Variants in DLC1 observed in about 807,000 individuals in gnomAD.
DLC1 encodes rho GTPase-activating protein 7.
In DLC1, 54 loss-of-function variants were observed where a neutral mutation model predicts 140.3. The observed-to-expected ratio is 0.38, with a 90% CI of 0.31 to 0.48. The LOEUF (loss-of-function observed/expected upper bound fraction) is 0.48, where lower values mean the gene tolerates loss of function less well. DLC1 is among the 20% of genes least tolerant of loss of function. The pLI is 0.96. For synonymous variants in DLC1, 986 were observed against 728.1 expected (o/e 1.35, Z -5.70); for missense variants, 2,536 against 1,907.0 (o/e 1.33, Z -6.14).
At chr8:13,464,745 ATTATATATATATATATATAT>A (rs1354024438) in intron 2 of DLC1, among the ~76,000 whole-genome samples, 10,212 of 108,318 alleles carry the variant, frequency 0.094, 543 homozygotes, top group East Asian at 0.18. Flanking sequence ...AGAATTTTAA[ATTATATATATATATATATAT>A]TTATATATAT....
chr8:13,552,871 T>C (rs926016570), intron 1 of DLC1, among the ~76,000 whole-genome samples: 3 of 151,878 alleles, frequency 2.0e-5, no homozygotes, highest in Non-Finnish European at 4.4e-5. Context: ...ATAAACTAAA[T>C]CTTTTCTAGA....
At position 13,344,029 on chromosome 8, in the gene DLC1, G is replaced by A. The variant is rs1403654798; in HGVS notation, c.1315-38727C>T. 2.0e-5 allele frequency among the ~76,000 whole-genome samples: 3 copies of A among 151,462 alleles called. No homozygotes were observed. The East Asian group carries it at 5.8e-4, about 29-fold the overall frequency. ...CTGGCAAAGATTTCTCAGAATCTTG[G>A]GATTTCTTCTGACTTGATATTCTCT... On this transcript the variant is annotated intron_variant, in intron 4 of 17. Coordinates refer to ENST00000276297, the MANE Select transcript of DLC1 (RefSeq NM_182643.3).
chr8:13,439,450 T>C (rs1839262088), intron 2 of DLC1, among the ~76,000 whole-genome samples: 1 of 152,198 alleles, frequency 6.6e-6, no homozygotes, highest in Admixed American at 6.5e-5. Flanking sequence ...CATTTTCTTT[T>C]ATTCATACAA....
chr8:13,133,244 C>A, intron 5 of DLC1: 4 of 1,382,668 alleles, frequency 2.9e-6, no homozygotes, highest in Non-Finnish European at 3.7e-6. Flanking sequence ...GCGGCCATGT[C>A]CTGGCTGGGA....
At chr8:13,161,337 G>T (rs543972262) in intron 5 of DLC1, among the ~76,000 whole-genome samples, 4 of 150,784 alleles carry the variant, frequency 2.7e-5, no homozygotes, top group East Asian at 2.0e-4. Context: ...GGTTTTTTTT[G>T]TTTTGTTTTG....
intron 5 of DLC1, among the ~76,000 whole-genome samples, chr8:13,189,314 C>G (rs1240554952): frequency 6.6e-6 from 1 of 152,092 alleles, no homozygotes; most frequent in Non-Finnish European, 1.5e-5. Flanking sequence ...GGAACTCCAG[C>G]CAAGAAATAA....
rs544028228 is a variant in DLC1, at chr8:13,475,479, C to T, written c.1023+23570G>A. ...TTTCCTGTTATTCTTAGCGTGTGCC[C>T]AGAAGCCATGGAGATTTTTGGACTT... is the stretch of plus-strand genomic sequence containing the variant. On this transcript the variant is annotated intron_variant, in intron 2 of 17. Transcript: ENST00000276297. Among the ~76,000 whole-genome samples, 5 of 152,176 alleles carry T rather than the reference C, an allele frequency of 3.3e-5. No homozygotes were observed. The East Asian group carries it at 7.7e-4, about 24-fold the overall frequency.
rs138327093 is a variant in DLC1 at position 13,505,135 on chromosome 8, AT to A, written c.-125-4940del. ...GAAAAATAGTTTTACAAGAAGGAAA[AT>A]ATAATTATAGTATACTCCATAAGCT... is the stretch of plus-strand genomic sequence containing the variant. On this transcript the variant is annotated intron_variant, in intron 1 of 17. Transcript: ENST00000276297. 3.4e-3 allele frequency among the ~76,000 whole-genome samples: 517 copies of A among 152,330 alleles called. 3 individuals carry two copies. The highest frequency in any genetic ancestry group is 0.012 in the African/African-American group (504 of 41,576).
At chr8:13,334,099 G>A (rs11991646) in intron 4 of DLC1, among the ~76,000 whole-genome samples, 1,590 of 152,206 alleles carry the variant, frequency 0.01, 28 homozygotes, top group African/African-American at 0.036. Flanking sequence ...TGCTTGGAGA[G>A]GGGGTGAGAA....
chr8:13,185,014 A>T (rs1262758751), intron 5 of DLC1, among the ~76,000 whole-genome samples: 1 of 151,552 alleles, frequency 6.6e-6, no homozygotes, highest in Non-Finnish European at 1.5e-5. Context: ...TAGGATAGTT[A>T]GCTCTTCTTG....
At position 13,413,256 on chromosome 8, in the gene DLC1, A is replaced by ATTTTTTTTTTTTTTTTTTTTT. The variant is rs58038503; in HGVS notation, c.1024-11658_1024-11638dup. 5.0e-4 allele frequency among the ~76,000 whole-genome samples: 41 copies of ATTTTTTTTTTTTTTTTTTTTT among 82,006 alleles called. 9 individuals carry two copies. The highest frequency in any genetic ancestry group is 9.8e-4 in the Admixed American group (7 of 7,142). 53.8% of individuals were successfully genotyped at this position (82,006 alleles called of 152,430 possible). On this transcript the variant is annotated intron_variant, in intron 2 of 17. Transcript: ENST00000276297. ...TAAAACATTATGAGATTTTTTTGCG[A>ATTTTTTTTTTTTTTTTTTTTT]TTTTTTTTTTTTTTTTTTTTTAGCT...
intron 5 of DLC1, among the ~76,000 whole-genome samples, chr8:13,145,101 G>A (rs1252513529): frequency 6.6e-6 from 1 of 152,002 alleles, no homozygotes; most frequent in African/African-American, 2.4e-5. Context: ...CATGAACTGA[G>A]GAGAAATCAT....
intron 5 of DLC1, among the ~76,000 whole-genome samples, chr8:13,280,053 A>G (rs1172315264): frequency 6.6e-6 from 1 of 151,444 alleles, no homozygotes; most frequent in Non-Finnish European, 1.5e-5. Flanking sequence ...GCCGAGGTGC[A>G]TGGATCATGA....
intron 1 of DLC1, among the ~76,000 whole-genome samples, chr8:13,537,639 C>A (rs918184156): frequency 1.7e-4 from 24 of 141,912 alleles, no homozygotes; most frequent in African/African-American, 5.2e-5. Context: ...ATAGTAACAA[C>A]AGCTAACTCT....
At chr8:13,552,241 A>T (rs1488335284) in intron 1 of DLC1, among the ~76,000 whole-genome samples, 2 of 146,364 alleles carry the variant, frequency 1.4e-5, no homozygotes, top group Admixed American at 1.4e-4. Context: ...ATATATATAT[A>T]CCCCCATACC....
chr8:13,304,291 A>T (rs1437363080), intron 5 of DLC1, among the ~76,000 whole-genome samples: 12 of 152,200 alleles, frequency 7.9e-5, no homozygotes, highest in Admixed American at 7.9e-4. Flanking sequence ...GAGCTGACAT[A>T]TGATGCCAGT....
intron 2 of DLC1, among the ~76,000 whole-genome samples, chr8:13,409,500 G>A (rs1837697514): frequency 6.6e-6 from 1 of 152,100 alleles, no homozygotes; most frequent in Non-Finnish European, 1.5e-5. Flanking sequence ...AGTGGAAGTA[G>A]TTCCAAATAT....
intron 2 of DLC1, among the ~76,000 whole-genome samples, chr8:13,443,310 A>G (rs1467959425): frequency 6.7e-6 from 1 of 150,338 alleles, no homozygotes; most frequent in African/African-American, 2.5e-5. Context: ...ATATGTAACT[A>G]ACCTGCACTT....
chr8:13,307,128 T>G (rs1832474263), intron 4 of DLC1, among the ~76,000 whole-genome samples: 1 of 150,430 alleles, frequency 6.6e-6, no homozygotes, highest in Non-Finnish European at 1.5e-5. Flanking sequence ...GGGGAGTTAC[T>G]TTGGCAAGAT....
Sources: gnomAD v4.1 joint callset for allele counts (sites outside exome capture counted in the v4.1 genomes callset) on GRCh38, gnomAD v4.1.1 for gene constraint, MANE v1.5 for transcripts, NCBI Gene and HGNC (gene_info 2026-07-23, HGNC 2026-07-21) for gene names.